Variants in APBA2 observed in about 807,000 individuals in gnomAD.
APBA2 encodes the protein amyloid beta precursor protein binding family A member 2.
In APBA2, 30 loss-of-function variants were observed where a neutral mutation model predicts 75.0. The ratio of observed to expected loss-of-function variants is 0.40; its 90% CI spans 0.30 to 0.54. The LOEUF (loss-of-function observed/expected upper bound fraction) is 0.54, where lower values mean the gene tolerates loss of function less well. Among genes scored for constraint, APBA2 ranks in the 20% least tolerant of loss-of-function variants. APBA2 has a pLI of 0.49. For missense variants in APBA2, 801 were observed against 1,016.1 expected (o/e 0.79, Z 2.88); for synonymous variants, 444 against 409.6 (o/e 1.08, Z -1.01).
At chr15:29,047,564 G>A (rs760583960) in intron 3 of APBA2, among the ~76,000 whole-genome samples, 57 of 151,960 alleles carry the variant, frequency 3.8e-4, no homozygotes, top group Non-Finnish European at 7.1e-4. Flanking sequence ...TAGGTTTTTG[G>A]GGCCTCCCTG....
At chr15:28,895,244 C>A (rs933288960) in intron 1 of APBA2, among the ~76,000 whole-genome samples, 2 of 152,208 alleles carry the variant, frequency 1.3e-5, no homozygotes, top group African/African-American at 4.8e-5. Context: ...GGTGACAGCG[C>A]AGGTGTGGCC....
At position 29,093,139 on chromosome 15, in the gene APBA2, G is replaced by A. The variant is rs753660395; in HGVS notation, c.1134G>A (p.Gly378=). The change falls in exon 7 of 15, where the codon GGG becomes GGA. Residue 378 remains glycine (G), a synonymous_variant. Transcript: ENST00000683413. ...DGIIFAANYL[G]STQLLSERNP... is the part of the protein sequence containing the mutation. ...TCATCTTTGCTGCCAATTACCTGGG[G>A]TCCACCCAGCTGCTATCAGAACGGA... is the stretch of plus-strand genomic sequence containing the variant. 2.2e-5 allele frequency: 36 copies of A among 1,614,116 alleles called. No homozygotes were observed. Among genetic ancestry groups the A allele is most frequent in the Middle Eastern group, 1.6e-4 (1 of 6,084 alleles).
At chr15:28,901,715 G>A (rs1028627840) in intron 1 of APBA2, among the ~76,000 whole-genome samples, 1 of 152,112 alleles carries the variant, frequency 6.6e-6, no homozygotes, top group Admixed American at 6.5e-5. Context: ...GATTGATGTG[G>A]GAGCTGGACT....
rs375569614 is a variant in APBA2, at chr15:29,054,325, G to T, written c.441G>T (p.Pro147=). 3 of 1,613,890 alleles carry T rather than the reference G, an allele frequency of 1.9e-6. No homozygotes were observed. Among genetic ancestry groups the T allele is most frequent in the Non-Finnish European group, 2.5e-6 (3 of 1,179,992 alleles). The stretch of plus-strand genomic sequence containing the variant: ...AGGAGTGGACGGACTCGGCGGGCCC[G>T]CACCCCCACGGCCACGAGGCTGAAG... The part of the protein sequence containing the change: ...AVEEWTDSAG[P]HPHGHEAEGS... The change falls in exon 4 of 15, where the codon CCG becomes CCT. Residue 147 remains proline (P), a synonymous_variant. Transcript: ENST00000683413. This position sits in a 1 kb window ranked among gnomAD's most constrained non-coding sequence, Gnocchi z 6.1.
rs189866560 is a variant in APBA2 at position 28,950,518 on chromosome 15, T to G, written c.-95+28769T>G. On this transcript the variant is annotated intron_variant, in intron 2 of 14. Transcript: ENST00000683413. The stretch of plus-strand genomic sequence containing the variant: ...GGTGGGCACCTGTAGTCCCAGCTAC[T>G]TGGGAGACTGAGGCAGGAGAATGGC... Among the ~76,000 whole-genome samples the G allele has an allele frequency of 9.9e-5, 15 of 152,116 alleles. No homozygotes were observed. The East Asian group carries it at 2.9e-3, about 29-fold the overall frequency.
chr15:28,907,994 A>G (rs889046596), intron 1 of APBA2, among the ~76,000 whole-genome samples: 19 of 152,204 alleles, frequency 1.2e-4, no homozygotes, highest in Non-Finnish European at 2.5e-4. Context: ...AATCCACTTT[A>G]CCATTGGTGA....
chr15:29,094,845 A>T (rs1341330940), intron 8 of APBA2, among the ~76,000 whole-genome samples: 1 of 151,266 alleles, frequency 6.6e-6, no homozygotes, highest in Non-Finnish European at 1.5e-5. Context: ...GGATCATTTG[A>T]GCCTAGGAGT....
At chr15:28,934,344 C>T (rs2034729631) in intron 2 of APBA2, among the ~76,000 whole-genome samples, 1 of 152,182 alleles carries the variant, frequency 6.6e-6, no homozygotes, top group Non-Finnish European at 1.5e-5. Flanking sequence ...AGTGTGGGTT[C>T]TGATTGGGCT....
intron 2 of APBA2, among the ~76,000 whole-genome samples, chr15:28,982,483 C>T (rs1566870597): frequency 6.6e-6 from 1 of 152,202 alleles, no homozygotes; most frequent in African/African-American, 2.4e-5. Context: ...GCAGCTTGAC[C>T]TTGTTAGCAC....
At position 29,101,565 on chromosome 15, in the gene APBA2, G is replaced by A. The variant is rs572622006; in HGVS notation, c.1339-34G>A. The A allele has an allele frequency of 2.9e-5, 47 of 1,602,222 alleles. No homozygotes were observed. In the Admixed American group the frequency reaches 7.8e-4, roughly 27 times the overall value. ...CTTTTCAATGGATTGTCCCAGTAGT[G>A]TTCCCTGACGTGGCACTGTCTCCCT... On this transcript the variant is annotated intron_variant, in intron 9 of 14. Transcript: ENST00000683413.
intron 1 of APBA2, among the ~76,000 whole-genome samples, chr15:28,909,394 C>T (rs1165842882): frequency 1.3e-5 from 2 of 152,214 alleles, no homozygotes. Flanking sequence ...TCTTTCACTT[C>T]GCGTGACGCC....
At chr15:28,940,251 G>A (rs1400388941) in intron 2 of APBA2, among the ~76,000 whole-genome samples, 4 of 150,302 alleles carry the variant, frequency 2.7e-5, no homozygotes, top group African/African-American at 9.8e-5. Flanking sequence ...GGTGGCTCAC[G>A]CCTGTAATCC....
intron 3 of APBA2, among the ~76,000 whole-genome samples, chr15:29,000,516 T>C (rs72716217): frequency 0.025 from 3,751 of 152,314 alleles, 158 homozygotes; most frequent in East Asian, 0.16. Flanking sequence ...TGCTGGTTCA[T>C]CCTCCACCTT....
At chr15:28,928,323 G>A (rs761668151) in intron 2 of APBA2, among the ~76,000 whole-genome samples, 3 of 152,130 alleles carry the variant, frequency 2.0e-5, no homozygotes, top group Admixed American at 6.5e-5. Context: ...TGTGAGTGCC[G>A]GCGTATTCCG....
chr15:28,989,035 G>A (rs534659729), intron 2 of APBA2, among the ~76,000 whole-genome samples: 14 of 152,172 alleles, frequency 9.2e-5, no homozygotes, highest in Non-Finnish European at 1.6e-4. Context: ...ATTTCCCTGC[G>A]TGCCAGTGAG....
intron 2 of APBA2, among the ~76,000 whole-genome samples, chr15:28,947,996 T>C (rs2035639923): frequency 6.6e-6 from 1 of 152,218 alleles, no homozygotes; most frequent in Non-Finnish European, 1.5e-5. Context: ...TGGCTCTAGG[T>C]TGGCCTTGCA....
At chr15:29,094,903 T>G (rs1170582443) in intron 8 of APBA2, among the ~76,000 whole-genome samples, 1 of 12,486 alleles carries the variant, frequency 8.0e-5, no homozygotes, top group Admixed American at 4.8e-3. Context: ...TCCACAACTT[T>G]TTTTTTTTTT....
At chr15:29,044,211 T>G (rs2041191638) in intron 3 of APBA2, 1 of 152,234 alleles carries the variant, frequency 6.6e-6, no homozygotes, top group Non-Finnish European at 1.5e-5. Flanking sequence ...CACCAGCTAA[T>G]GCTATTTTCC....
chr15:29,028,734 T>G (rs576888917), intron 3 of APBA2, among the ~76,000 whole-genome samples: 2 of 152,380 alleles, frequency 1.3e-5, no homozygotes, highest in Middle Eastern at 6.8e-3. Context: ...ATTGTGGTTT[T>G]GATTTGCATT....
Sources: gnomAD v4.1 joint callset for allele counts (sites outside exome capture counted in the v4.1 genomes callset) on GRCh38, gnomAD v4.1.1 for gene constraint, Gnocchi (gnomAD v3.1) non-coding constraint, MANE v1.5 for transcripts, NCBI Gene and HGNC (gene_info 2026-07-23, HGNC 2026-07-21) for gene names.